The following RBFOX1 variants were observed in gnomAD, a reference collection of about 807,000 sequenced individuals.
RBFOX1 encodes the protein RNA binding fox-1 homolog 1, also known as RNA binding protein fox-1 homolog 1.
Under a neutral mutation model 57.7 loss-of-function variants are expected in RBFOX1, and 8 were observed. The ratio of observed to expected loss-of-function variants is 0.14; its 90% CI spans 0.08 to 0.25. The LOEUF is 0.25. RBFOX1 is among the 10% of genes least tolerant of loss of function. RBFOX1 has a pLI of 1.00. For missense variants in RBFOX1, 611 were observed against 548.5 expected (o/e 1.11, Z -1.14); for synonymous variants, 326 against 222.4 (o/e 1.47, Z -4.15).
At chr16:5,679,355 A>G (rs1033216947) in intron 3 of RBFOX1, among the ~76,000 whole-genome samples, 15 of 151,758 alleles carry the variant, frequency 9.9e-5, no homozygotes, top group African/African-American at 3.4e-4. Flanking sequence ...TTAAAAAACA[A>G]TTTAAGTTCT....
intron 4 of RBFOX1, among the ~76,000 whole-genome samples, chr16:7,235,930 A>G (rs184910290): frequency 6.6e-6 from 1 of 152,256 alleles, no homozygotes; most frequent in East Asian, 1.9e-4. Flanking sequence ...TTCTCTCTTA[A>G]TGACAGCCAA....
chr16:7,012,926 C>T (rs886869282), intron 3 of RBFOX1, among the ~76,000 whole-genome samples: 3 of 152,086 alleles, frequency 2.0e-5, no homozygotes, highest in Non-Finnish European at 2.9e-5. Context: ...TGGTCAGGTC[C>T]TGGTGGAGGC....
chr16:5,978,684 T>G (rs1051732548), intron 4 of RBFOX1, among the ~76,000 whole-genome samples: 7 of 151,988 alleles, frequency 4.6e-5, no homozygotes, highest in East Asian at 1.9e-4. Flanking sequence ...GTTTGTTTTT[T>G]TTTTTGTTGT....
At chr16:7,072,693 A>G (rs1003286723) in intron 4 of RBFOX1, among the ~76,000 whole-genome samples, 4 of 152,364 alleles carry the variant, frequency 2.6e-5, no homozygotes, top group Non-Finnish European at 4.4e-5. Flanking sequence ...AACTTGTACC[A>G]TAAACAACTT....
At chr16:5,351,338 G>C (rs181107965) in intron 1 of RBFOX1, among the ~76,000 whole-genome samples, 8 of 152,296 alleles carry the variant, frequency 5.3e-5, no homozygotes, top group Admixed American at 5.2e-4. Context: ...CTAGAAGGTA[G>C]ATACATTCAC....
At position 6,642,390 on chromosome 16, in the gene RBFOX1, T is replaced by C. The variant is rs373080108; in HGVS notation, c.-63-12213T>C. ...CCGCTGTGATGCCAATGCATAGCTCTTATTTGCAAACAGACCTTTGGTTTG... is the reference window on the plus strand; with the variant it reads ...CCGCTGTGATGCCAATGCATAGCTCCTATTTGCAAACAGACCTTTGGTTTG... On this transcript the variant is annotated intron_variant, in intron 2 of 15. Coordinates refer to ENST00000550418, the MANE Select transcript of RBFOX1 (RefSeq NM_018723.4). Among the ~76,000 whole-genome samples, 10 of 152,316 alleles carry C rather than the reference T, an allele frequency of 6.6e-5. No homozygotes were observed. The East Asian group carries it at 1.7e-3, about 26-fold the overall frequency.
intron 4 of RBFOX1, among the ~76,000 whole-genome samples, chr16:7,184,833 C>T (rs1026144397): frequency 6.6e-6 from 1 of 152,088 alleles, no homozygotes; most frequent in Non-Finnish European, 1.5e-5. Flanking sequence ...GATCCTTGCC[C>T]TTTAGGTGTG....
intron 1 of RBFOX1, among the ~76,000 whole-genome samples, chr16:5,369,956 C>T (rs1264478269): frequency 1.3e-5 from 2 of 152,160 alleles, no homozygotes; most frequent in African/African-American, 4.8e-5. Context: ...CATGGGGAGG[C>T]ATCGCTTAGA....
At chr16:6,801,199 C>CAA (rs200091675) in intron 3 of RBFOX1, among the ~76,000 whole-genome samples, 62 of 91,576 alleles carry the variant, frequency 6.8e-4, no homozygotes, top group Middle Eastern at 7.7e-3. Flanking sequence ...ATTGAACATG[C>CAA]AAAAAAAAAA....
intron 4 of RBFOX1, among the ~76,000 whole-genome samples, chr16:7,075,755 T>C (rs149687281): frequency 0.01 from 1,539 of 152,128 alleles, 30 homozygotes; most frequent in African/African-American, 0.035. Flanking sequence ...TAATTTTTTT[T>C]ATTTTTAGTA....
In RBFOX1 at chr16:5,425,110, TATC is replaced by T. The variant is rs2067515156; in HGVS notation, c.220-42105_220-42103del. On this transcript the variant is annotated intron_variant, in intron 1 of 2. Transcript: ENST00000585867. Reference sequence around the variant, plus strand: ...CTATCTATCTATCTATCTATCTATCTATCTATCTATCTTGAGACAGAGTCTCAC... The same window carrying T: ...CTATCTATCTATCTATCTATCTATCTTATCTATCTTGAGACAGAGTCTCAC... Among the ~76,000 whole-genome samples the T allele has an allele frequency of 1.3e-5, 2 of 148,746 alleles. 1 individual carries two copies. Among genetic ancestry groups the T allele is most frequent in the South Asian group, 4.3e-4 (2 of 4,652 alleles).
At chr16:7,589,344 TAGA>T (rs1301803489) in intron 7 of RBFOX1, among the ~76,000 whole-genome samples, 1 of 152,194 alleles carries the variant, frequency 6.6e-6, no homozygotes, top group Non-Finnish European at 1.5e-5. Context: ...TTTGGGACAT[TAGA>T]AGAATATCAT....
chr16:5,424,592 G>A (rs1050820889), intron 1 of RBFOX1, among the ~76,000 whole-genome samples: 2 of 151,702 alleles, frequency 1.3e-5, no homozygotes, highest in Non-Finnish European at 2.9e-5. Flanking sequence ...CCTAGGTGAT[G>A]GGTTGACAGG....
intron 5 of RBFOX1, among the ~76,000 whole-genome samples, chr16:7,547,832 G>A (rs79405026): frequency 1.6e-3 from 242 of 152,330 alleles, no homozygotes; most frequent in African/African-American, 5.6e-3. Context: ...AATGAACATG[G>A]AGGTTGTGTG....
chr16:7,521,212 A>G (rs1389137271), intron 5 of RBFOX1, among the ~76,000 whole-genome samples: 1 of 152,206 alleles, frequency 6.6e-6, no homozygotes, highest in Non-Finnish European at 1.5e-5. Context: ...ATCTGGGCTC[A>G]CTCAAAGTCC....
intron 4 of RBFOX1, among the ~76,000 whole-genome samples, chr16:7,198,194 A>G (rs1308363877): frequency 6.6e-6 from 1 of 151,190 alleles, no homozygotes; most frequent in African/African-American, 2.4e-5. Context: ...TTTAGTAGAG[A>G]CGGGGTTTCA....
At chr16:6,399,978 T>G (rs2093003024) in intron 2 of RBFOX1, among the ~76,000 whole-genome samples, 1 of 152,088 alleles carries the variant, frequency 6.6e-6, no homozygotes, top group South Asian at 2.1e-4. Context: ...AGCCCCACAA[T>G]TCAATGACCT....
At chr16:7,488,782 A>G (rs72773032) in intron 4 of RBFOX1, among the ~76,000 whole-genome samples, 20 of 152,262 alleles carry the variant, frequency 1.3e-4, no homozygotes, top group Non-Finnish European at 2.6e-4. Context: ...GTATACATCT[A>G]TCTATACATA....
intron 3 of RBFOX1, among the ~76,000 whole-genome samples, chr16:6,866,724 A>G (rs977863445): frequency 6.6e-6 from 1 of 151,428 alleles, no homozygotes; most frequent in Non-Finnish European, 1.5e-5. Context: ...TTGTATTTTT[A>G]GTAGAGAAGG....
Sources: gnomAD v4.1 joint callset for allele counts (sites outside exome capture counted in the v4.1 genomes callset) on GRCh38, gnomAD v4.1.1 for gene constraint, MANE v1.5 for transcripts, NCBI Gene and HGNC (gene_info 2026-07-23, HGNC 2026-07-21) for gene names.